The following NAPG variants were observed in gnomAD, a reference collection of about 807,000 sequenced individuals.
The protein encoded by NAPG is gamma-soluble NSF attachment protein.
NAPG carries 25 observed loss-of-function variants against 48.4 expected under a neutral mutation model. That is an observed-to-expected ratio of 0.52 (90% CI 0.38 to 0.72). The LOEUF (loss-of-function observed/expected upper bound fraction) is 0.72, where lower values mean the gene tolerates loss of function less well. NAPG is among the 30% of genes least tolerant of loss of function. NAPG has a pLI of 0.00. For missense variants in NAPG, 359 were observed against 372.5 expected, an observed-to-expected ratio of 0.96 and a Z score of 0.30; for synonymous variants, 139 against 127.2, an observed-to-expected ratio of 1.09 and a Z score of -0.62.
In NAPG at chr18:10,546,608, C is replaced by T. The variant is rs2032271642; in HGVS notation, c.585+204C>T. Among the ~76,000 whole-genome samples the T allele has an allele frequency of 6.6e-6, 1 of 152,150 alleles. No individual in the cohort carries two copies. The highest frequency in any genetic ancestry group is 2.4e-5 in the African/African-American group (1 of 41,442). ...TACAGCTAAACTACTGGATAAAATA[C>T]AAAAGCAACCACCCTTGAACTCTGA... On this transcript the variant is annotated intron_variant, in intron 9 of 11. Transcript: ENST00000322897. The surrounding 1 kb of genome is among the most constrained non-coding windows in gnomAD (Gnocchi z 4.0).
chr18:10,526,494 A>T, intron 1 of NAPG: 2 of 312,190 alleles, frequency 6.4e-6, no homozygotes, highest in Middle Eastern at 9.1e-4. Context: ...CTGTCTGTGC[A>T]TCGGAGGCTC....
At chr18:10,538,970 G>C (rs1382964624) in intron 5 of NAPG, among the ~76,000 whole-genome samples, 2 of 152,180 alleles carry the variant, frequency 1.3e-5, no homozygotes, top group Non-Finnish European at 2.9e-5. Context: ...ACGCCAGTCA[G>C]AATGGTGATG....
intron 9 of NAPG, among the ~76,000 whole-genome samples, chr18:10,547,655 T>A (rs1236760808): frequency 6.6e-6 from 1 of 152,132 alleles, no homozygotes; most frequent in Admixed American, 6.5e-5. Flanking sequence ...ATCTCAGAGA[T>A]GACAGAAGGA....
rs888087327 is a variant in NAPG at position 10,548,866 on chromosome 18, A to G, written c.666-101A>G. The G allele has an allele frequency of 3.5e-6, 5 of 1,424,184 alleles. No individual in the cohort carries two copies. The African/African-American group carries it at 4.3e-5, about 12-fold the overall frequency. 88.2% of individuals were successfully genotyped at this position (1,424,184 alleles called of 1,614,324 possible). A position where few individuals can be genotyped will look rare whatever the true frequency, so the allele number is the denominator to read the frequency against. ...CATTCCCACACTTTTAAGTACCAAA[A>G]TGTCTCCAGACAGTGTCACATGCCA... On this transcript the variant is annotated intron_variant, in intron 10 of 11. Coordinates refer to ENST00000322897, the MANE Select transcript of NAPG (RefSeq NM_003826.3). The surrounding 1 kb of genome is among the most constrained non-coding windows in gnomAD (Gnocchi z 4.4).
At chr18:10,541,173 G>T (rs564889657) in intron 8 of NAPG, among the ~76,000 whole-genome samples, 1 of 152,092 alleles carries the variant, frequency 6.6e-6, no homozygotes, top group South Asian at 2.1e-4. Flanking sequence ...AATTTAAACC[G>T]GTCTAGAGTA....
chr18:10,548,184 C>A lies in NAPG; in HGVS notation c.586-115C>A, dbSNP rs1487046304. 1.4e-6 allele frequency: 1 copy of A among 723,274 alleles called. No individual in the cohort carries two copies. Among genetic ancestry groups the A allele is most frequent in the Non-Finnish European group, 2.4e-6 (1 of 416,184 alleles). The allele number at this position is 723,274 out of a possible 1,614,324, so 44.8% of individuals were successfully genotyped here. On this transcript the variant is annotated intron_variant, in intron 9 of 11. Transcript: ENST00000322897. This position sits in a 1 kb window ranked among gnomAD's most constrained non-coding sequence, Gnocchi z 4.4. ...AAGTTACTATAGCATTTATAAATCT[C>A]TGTTTATACAAACAAAGACTCTGAA...
chr18:10,538,014 A>G (rs1469070415), intron 5 of NAPG, among the ~76,000 whole-genome samples: 1 of 152,208 alleles, frequency 6.6e-6, no homozygotes, highest in African/African-American at 2.4e-5. Context: ...AGCCTACCTT[A>G]AGATACAGCA....
chr18:10,545,137 C>A (rs1342779073), intron 8 of NAPG, among the ~76,000 whole-genome samples: 1 of 152,084 alleles, frequency 6.6e-6, no homozygotes, highest in Non-Finnish European at 1.5e-5. Context: ...CATAGCGAAA[C>A]CCCATCTCTA....
rs190477166 is a variant in NAPG at position 10,546,022 on chromosome 18, C to T, written c.507-304C>T. ...CGAAGATCGTCTCAAGTACGTATCA[C>T]GAAGAAGTCGTGACACTCGCTATTG... On this transcript the variant is annotated intron_variant, in intron 8 of 11. Coordinates refer to ENST00000322897, the MANE Select transcript of NAPG (RefSeq NM_003826.3). The surrounding 1 kb of genome is among the most constrained non-coding windows in gnomAD (Gnocchi z 4.0). Among the ~76,000 whole-genome samples the T allele has an allele frequency of 2.0e-5, 3 of 152,298 alleles. No individual in the cohort carries two copies. The highest frequency in any genetic ancestry group is 1.9e-4 in the East Asian group (1 of 5,180).
Position 10,550,331 on chromosome 18 carries a change from G to A in NAPG, c.*111G>A. ...CGTACTTCATTACAGTCATGATTTT[G>A]GATCCTAATAAAGACTAGTTTTTAG... On this transcript the variant is annotated 3_prime_UTR_variant, in exon 12 of 12. Transcript: ENST00000322897. 1 of 1,241,348 alleles carries A rather than the reference G, an allele frequency of 8.1e-7. No individual in the cohort carries two copies. Among genetic ancestry groups the A allele is most frequent in the South Asian group, 1.6e-5 (1 of 60,636 alleles). The allele number at this position is 1,241,348 out of a possible 1,614,324, so 76.9% of individuals were successfully genotyped here. A position where few individuals can be genotyped will look rare whatever the true frequency, so the allele number is the denominator to read the frequency against.
intron 9 of NAPG, among the ~76,000 whole-genome samples, chr18:10,547,908 G>A (rs868808293): frequency 6.7e-6 from 1 of 149,652 alleles, no homozygotes; most frequent in Non-Finnish European, 1.5e-5. Flanking sequence ...GTGGTGTTAC[G>A]GGTCCCCCCC....
chr18:10,536,026 T>A (rs2032025090), intron 5 of NAPG, among the ~76,000 whole-genome samples: 1 of 152,212 alleles, frequency 6.6e-6, no homozygotes, highest in Non-Finnish European at 1.5e-5. Flanking sequence ...GTTACATTCT[T>A]AGTGTACTTC....
Position 10,550,360 on chromosome 18 carries a change from C to A in NAPG, c.*140C>A. On this transcript the variant is annotated 3_prime_UTR_variant, in exon 12 of 12. Coordinates refer to ENST00000322897, the MANE Select transcript of NAPG (RefSeq NM_003826.3). ...CCTAATAAAGACTAGTTTTTAGTTA[C>A]CATCTTCCCAAATCACTCATTGTAT... is the stretch of plus-strand genomic sequence containing the variant. The A allele has an allele frequency of 2.4e-6, 2 of 841,968 alleles. No homozygotes were observed. The highest frequency in any genetic ancestry group is 1.7e-6 in the Non-Finnish European group (1 of 582,392). The allele number at this position is 841,968 out of a possible 1,614,324, so 52.2% of individuals were successfully genotyped here. A position where few individuals can be genotyped will look rare whatever the true frequency, so the allele number is the denominator to read the frequency against.
chr18:10,542,871 C>A lies in NAPG; in HGVS notation c.506+2472C>A, dbSNP rs1268790564. On this transcript the variant is annotated intron_variant, in intron 8 of 11. Transcript: ENST00000322897. The surrounding 1 kb of genome is among the most constrained non-coding windows in gnomAD (Gnocchi z 4.5). ...GGGAAAAGTCAGTCCAAGGCCAGTG[C>A]CCTTGTTCCTTTTTAGAAAAGGCCT... 6.6e-6 allele frequency among the ~76,000 whole-genome samples: 1 copy of A among 152,096 alleles called. No individual in the cohort carries two copies. Among genetic ancestry groups the A allele is most frequent in the South Asian group, 2.1e-4 (1 of 4,822 alleles).
rs1427119980 is a variant in NAPG at position 10,540,377 on chromosome 18, A to G, written c.484A>G (p.Arg162Gly). 1.9e-6 allele frequency: 3 copies of G among 1,613,626 alleles called. No homozygotes were observed. The highest frequency in any genetic ancestry group is 1.7e-6 in the Non-Finnish European group (2 of 1,179,642). ...AGTTGAATTACTAGGAAAAGCCTCC[A>G]GACTACTAGTACGAGGACGTAGGTA... ...QAVELLGKAS[R>G]LLVRGRRFDE... is the part of the protein sequence containing the mutation. Residue 162 changes from arginine (R) to glycine (G), a missense_variant, in exon 8 of 12, where the codon AGA (arginine) becomes GGA (glycine). Coordinates refer to ENST00000322897, the MANE Select transcript of NAPG (RefSeq NM_003826.3).
rs1037474913 is a variant in NAPG, at chr18:10,552,236, G to A, written c.*2016G>A. 6.6e-6 allele frequency: 1 copy of A among 152,172 alleles called. No individual in the cohort carries two copies. Among genetic ancestry groups the A allele is most frequent in the Non-Finnish European group, 1.5e-5 (1 of 68,026 alleles). 9.4% of individuals were successfully genotyped at this position (152,172 alleles called of 1,614,324 possible). On this transcript the variant is annotated 3_prime_UTR_variant, in exon 12 of 12. Coordinates refer to ENST00000322897, the MANE Select transcript of NAPG (RefSeq NM_003826.3). Reference sequence around the variant, plus strand: ...ATGAAGTGCATTCTGTAGCAGCAGCGCAGCTATGCTTTAAACCACACAAAA... The same window carrying A: ...ATGAAGTGCATTCTGTAGCAGCAGCACAGCTATGCTTTAAACCACACAAAA...
rs199748080 is a variant in NAPG at position 10,526,167 on chromosome 18, G to A, written c.56+9G>A. ...GCCAAAGCAGAGAAATAGTGAGTGA[G>A]AACCTTCCGGGGGCCTGTGTGTAGA... On this transcript the variant is annotated intron_variant, in intron 1 of 11. Transcript: ENST00000322897. The A allele has an allele frequency of 1.7e-5, 25 of 1,485,074 alleles. No individual in the cohort carries two copies. The African/African-American group carries it at 3.2e-4, about 19-fold the overall frequency. The allele number at this position is 1,485,074 out of a possible 1,614,324, so 92.0% of individuals were successfully genotyped here.
At chr18:10,540,243 A>G (rs2032123547) in intron 7 of NAPG, 86 bp from the exon 8 acceptor site, 3 of 1,254,954 alleles carry the variant, frequency 2.4e-6, no homozygotes, top group South Asian at 1.3e-5. Flanking sequence ...ATCCAGTGCC[A>G]TTACTTCTTT....
intron 1 of NAPG, 156 bp downstream of exon 1, chr18:10,526,314 G>A (rs181356797): frequency 9.3e-5 from 66 of 708,382 alleles, no homozygotes; most frequent in East Asian, 8.9e-4. Flanking sequence ...GTGTCCTCTG[G>A]GTCACACTCC....
Sources: allele counts gnomAD v4.1 joint callset (sites outside exome capture counted in the v4.1 genomes callset), GRCh38; gene constraint gnomAD v4.1.1; non-coding constraint Gnocchi (gnomAD v3.1); transcripts MANE v1.5; gene names NCBI Gene and HGNC (gene_info 2026-07-23, HGNC 2026-07-21).